The following SAMSN1 variants were observed in gnomAD, a reference collection of about 807,000 sequenced individuals.
SAMSN1 encodes the protein SAM domain, SH3 domain and nuclear localization signals 1.
A neutral mutation model predicts 42.0 loss-of-function variants in SAMSN1; 31 were observed. That is an observed-to-expected ratio of 0.74 (90% CI 0.55 to 1.00). The LOEUF is 1.00. Among genes scored for constraint, SAMSN1 ranks in the 50% least tolerant of loss-of-function variants. The probability of loss-of-function intolerance (pLI) is 0.00; values close to 1 mark genes in which losing one functional copy is unlikely to be tolerated. For missense variants in SAMSN1, 464 were observed against 439.4 expected (o/e 1.06, Z -0.50); for synonymous variants, 178 against 151.9 (o/e 1.17, Z -1.26).
At chr21:14,539,392 C>A (rs542536575) in intron 1 of SAMSN1, among the ~76,000 whole-genome samples, 156 of 152,184 alleles carry the variant, frequency 1.0e-3, no homozygotes, top group African/African-American at 3.7e-3. Flanking sequence ...ATCTAGAAAA[C>A]CCCATTATCT....
intron 1 of SAMSN1, among the ~76,000 whole-genome samples, chr21:14,539,952 C>A (rs547099673): frequency 6.6e-6 from 1 of 152,062 alleles, no homozygotes; most frequent in Non-Finnish European, 1.5e-5. Context: ...GAGATATAGA[C>A]CAATGGAACA....
rs143377256 is a variant in SAMSN1 at position 14,643,092 on chromosome 21, T to C, written c.66A>G (p.Gln22=). 4,392 of 717,352 alleles carry C rather than the reference T, an allele frequency of 6.1e-3. 19 individuals carry two copies. Among genetic ancestry groups the C allele is most frequent in the Non-Finnish European group, 8.9e-3 (3,409 of 385,010 alleles). The allele number at this position is 717,352 out of a possible 1,614,324, so 44.4% of individuals were successfully genotyped here. A position where few individuals can be genotyped will look rare whatever the true frequency, so the allele number is the denominator to read the frequency against. Residue 22 remains glutamine, a synonymous_variant, in exon 2 of 16, where the codon CAA becomes CAG. Coordinates refer to the SAMSN1 transcript ENST00000647101. ...TAGACATGTTTTCTTGGTTAGCTTGTTGCTCTGGGATTGGCTCATATAAGC... is the reference window on the plus strand; with the variant it reads ...TAGACATGTTTTCTTGGTTAGCTTGCTGCTCTGGGATTGGCTCATATAAGC...
intron 3 of SAMSN1, among the ~76,000 whole-genome samples, chr21:14,516,544 A>T (rs2123012163): frequency 6.6e-6 from 1 of 152,236 alleles, no homozygotes; most frequent in African/African-American, 2.4e-5. Flanking sequence ...GGCGTGCACC[A>T]CCATGCTCAG....
At chr21:14,548,538 C>T (rs1015311655), upstream of SAMSN1, among the ~76,000 whole-genome samples, 2 of 152,258 alleles carry the variant, frequency 1.3e-5, no homozygotes, top group South Asian at 4.1e-4. Context: ...ACTTCACCAT[C>T]TTTAACATTA....
At position 14,498,531 on chromosome 21, in the gene SAMSN1, T is replaced by C; in HGVS notation, c.830A>G (p.Lys277Arg). 6.2e-7 allele frequency: 1 copy of C among 1,610,966 alleles called. No individual in the cohort carries two copies. The highest frequency in any genetic ancestry group is 8.5e-7 in the Non-Finnish European group (1 of 1,178,420). The change falls in exon 7 of 8, where the codon AAA becomes AGA. Residue 277 changes from lysine (K) to arginine (R), a missense_variant. Lys to Arg is a conservative substitution (Grantham distance 26). Coordinates refer to ENST00000400566, the MANE Select transcript of SAMSN1 (RefSeq NM_022136.5). ...ATTTAATTCAATGAGGTGACTCTCT[T>C]TTATATCTTTTAAATCTTCTAGAGT... ...YETLEDLKDIKESHLIELNIE... is the reference protein window; with the variant it reads ...YETLEDLKDIRESHLIELNIE...
chr21:14,600,039 A>G (rs1982387342), intron 6 of SAMSN1, among the ~76,000 whole-genome samples: 1 of 152,150 alleles, frequency 6.6e-6, no homozygotes, highest in African/African-American at 2.4e-5. Context: ...GGAGTATGGC[A>G]CCAAAGTCTG....
At chr21:14,609,405 G>A (rs1030109596) in intron 5 of SAMSN1, 6 of 707,640 alleles carry the variant, frequency 8.5e-6, no homozygotes, top group Middle Eastern at 2.3e-4. Context: ...CATGGTGGAA[G>A]ATGTGAATTT....
chr21:14,538,915 T>C (rs1280325628), intron 1 of SAMSN1, among the ~76,000 whole-genome samples: 1 of 152,204 alleles, frequency 6.6e-6, no homozygotes, highest in Non-Finnish European at 1.5e-5. Context: ...AAAATAACAA[T>C]GGTACTTGAA....
chr21:14,581,529 T>C (rs547903781), intron 2 of SAMSN1, among the ~76,000 whole-genome samples: 8 of 151,306 alleles, frequency 5.3e-5, no homozygotes, highest in African/African-American at 1.9e-4. Flanking sequence ...CGGCTAATTT[T>C]TTTGTATTTT....
At chr21:14,610,266 C>T (rs1982670017) in intron 4 of SAMSN1, among the ~76,000 whole-genome samples, 1 of 152,124 alleles carries the variant, frequency 6.6e-6, no homozygotes, top group Non-Finnish European at 1.5e-5. Context: ...CAGGGCGGGG[C>T]CTCTAAAATG....
At chr21:14,508,669 G>A (rs1987537060) in intron 5 of SAMSN1, among the ~76,000 whole-genome samples, 1 of 152,196 alleles carries the variant, frequency 6.6e-6, no homozygotes, top group Admixed American at 6.5e-5. Context: ...AGAACTAAAA[G>A]TAGAACGACC....
At chr21:14,569,623 T>C (rs1981229286) in intron 2 of SAMSN1, among the ~76,000 whole-genome samples, 1 of 152,302 alleles carries the variant, frequency 6.6e-6, no homozygotes, top group Middle Eastern at 3.4e-3. Flanking sequence ...CTTTGAAAGT[T>C]ATTGATTCTG....
chr21:14,494,421 G>A (rs1391169158), intron 7 of SAMSN1, among the ~76,000 whole-genome samples: 1 of 152,208 alleles, frequency 6.6e-6, no homozygotes, highest in Non-Finnish European at 1.5e-5. Flanking sequence ...GGACATGGAT[G>A]AAGCTGGAAA....
intron 2 of SAMSN1, among the ~76,000 whole-genome samples, chr21:14,566,922 A>T (rs887407382): frequency 1.3e-5 from 2 of 152,138 alleles, no homozygotes; most frequent in Non-Finnish European, 2.9e-5. Flanking sequence ...ACCTATTGTC[A>T]TGGTTCAAAC....
At chr21:14,544,547 G>T (rs185989880) in intron 1 of SAMSN1, among the ~76,000 whole-genome samples, 18 of 152,234 alleles carry the variant, frequency 1.2e-4, no homozygotes, top group South Asian at 6.2e-4. Context: ...AATTCATGCA[G>T]AATGAAACCA....
chr21:14,566,761 C>T (rs1463078764), intron 2 of SAMSN1, among the ~76,000 whole-genome samples: 1 of 152,072 alleles, frequency 6.6e-6, no homozygotes, highest in African/African-American at 2.4e-5. Context: ...TGGTCTTGAA[C>T]TCCTGATCTC....
chr21:14,566,323 G>A (rs1330106225), intron 2 of SAMSN1, among the ~76,000 whole-genome samples: 1 of 152,072 alleles, frequency 6.6e-6, no homozygotes, highest in East Asian at 1.9e-4. Flanking sequence ...TTTAACATAA[G>A]TATTTCAAAA....
chr21:14,576,276 A>T (rs567882342), intron 2 of SAMSN1, among the ~76,000 whole-genome samples: 1 of 152,122 alleles, frequency 6.6e-6, no homozygotes, highest in Admixed American at 6.6e-5. Context: ...AATCTGTTAG[A>T]TTAATCTGAT....
chr21:14,490,911 C>G (rs1986656907), intron 7 of SAMSN1, among the ~76,000 whole-genome samples: 1 of 152,166 alleles, frequency 6.6e-6, no homozygotes, highest in African/African-American at 2.4e-5. Flanking sequence ...GGCATACTCA[C>G]TCAAGATCAC....
Sources: allele counts gnomAD v4.1 joint callset (sites outside exome capture counted in the v4.1 genomes callset), GRCh38; gene constraint gnomAD v4.1.1; transcripts MANE v1.5; gene names NCBI Gene and HGNC (gene_info 2026-07-23, HGNC 2026-07-21).